Variants in ERMARD observed in about 807,000 individuals in gnomAD.
The protein encoded by ERMARD is ER membrane associated RNA degradation, also known as endoplasmic reticulum membrane-associated RNA degradation protein.
In ERMARD, 71 loss-of-function variants were observed where a neutral mutation model predicts 83.9. The ratio of observed to expected loss-of-function variants is 0.85; its 90% CI spans 0.70 to 1.03. ERMARD has a LOEUF of 1.03. Ranked by LOEUF, ERMARD falls within the 50% of genes least tolerant of loss-of-function variation. The pLI, the probability that ERMARD is intolerant of heterozygous loss-of-function variation, is 0.00. For missense variants in ERMARD, 838 were observed against 810.9 expected, an observed-to-expected ratio of 1.03 and a Z score of -0.41; for synonymous variants, 284 against 298.6, an observed-to-expected ratio of 0.95 and a Z score of 0.50.
At chr6:169,752,062 G>C in intron 1 of ERMARD, 1 of 226,972 alleles carries the variant, frequency 4.4e-6, no homozygotes, top group South Asian at 1.2e-4. Context: ...CACTCGGACA[G>C]TAAATTTGTG....
At position 169,776,685 on chromosome 6, in the gene ERMARD, C is replaced by T. The variant is rs961132008; in HGVS notation, c.1739+12C>T. ...CGTATGTGGAGTAGGTGCGCGCTCACTTTCCTGTTTTGGAGGGGCACTGTG... is the reference window on the plus strand; with the variant it reads ...CGTATGTGGAGTAGGTGCGCGCTCATTTTCCTGTTTTGGAGGGGCACTGTG... On this transcript the variant is annotated intron_variant, in intron 16 of 17. Transcript: ENST00000366773. 5.6e-6 allele frequency: 9 copies of T among 1,612,382 alleles called. No individual in the cohort carries two copies. Among genetic ancestry groups the T allele is most frequent in the Non-Finnish European group, 7.6e-6 (9 of 1,179,704 alleles).
Position 169,766,621 on chromosome 6 carries a change from T to G in ERMARD, c.961-17T>G. 1 of 1,570,450 alleles carries G rather than the reference T, an allele frequency of 6.4e-7. No individual in the cohort carries two copies. Among genetic ancestry groups the G allele is most frequent in the Non-Finnish European group, 8.6e-7 (1 of 1,165,936 alleles). ...TTTGCTTTAATTGTTTATTTTCATT[T>G]CTTTCCTTTTCTGAAGTCAACAGCT... is the stretch of plus-strand genomic sequence containing the variant. On this transcript the variant is annotated splice_polypyrimidine_tract_variant and intron_variant, in intron 9 of 17. Transcript: ENST00000366773.
At chr6:169,771,787 G>C (rs1028529843) in intron 12 of ERMARD, 1 of 152,372 alleles carries the variant, frequency 6.6e-6, no homozygotes, top group African/African-American at 2.4e-5. Context: ...TGTAATCCCA[G>C]CACTTTGGGA....
chr6:169,767,595 T>TAC (rs139970542), intron 10 of ERMARD: 9,737 of 159,546 alleles, frequency 0.061, 394 homozygotes, highest in East Asian at 0.11. Context: ...ATACCACACA[T>TAC]ACACACACAC....
At chr6:169,777,027 G>A (rs1380351649) in intron 16 of ERMARD, among the ~76,000 whole-genome samples, 5 of 152,188 alleles carry the variant, frequency 3.3e-5, no homozygotes, top group African/African-American at 4.8e-5. Context: ...CTGGAAAGGC[G>A]GGAAAATACA....
At chr6:169,766,422 G>A (rs559690898) in intron 9 of ERMARD, among the ~76,000 whole-genome samples, 2 of 152,262 alleles carry the variant, frequency 1.3e-5, no homozygotes, top group African/African-American at 4.8e-5. Flanking sequence ...GTCCTAATGC[G>A]GCTTCATGGC....
chr6:169,764,061 C>T lies in ERMARD; in HGVS notation c.960+1530C>T, dbSNP rs7753073. 1.6e-3 allele frequency among the ~76,000 whole-genome samples: 237 copies of T among 152,350 alleles called. 1 individual carries two copies. The highest frequency in any genetic ancestry group is 5.5e-3 in the African/African-American group (229 of 41,580). ...CCAGCTGCAGACTCCAGCAGCGTCTCGTGTTTCCCCAACACCTCCCGTGTC... is the reference window on the plus strand; with the variant it reads ...CCAGCTGCAGACTCCAGCAGCGTCTTGTGTTTCCCCAACACCTCCCGTGTC... On this transcript the variant is annotated intron_variant, in intron 9 of 17. Coordinates refer to ENST00000366773, the MANE Select transcript of ERMARD (RefSeq NM_018341.3).
intron 7 of ERMARD, 148 bp downstream of exon 7, chr6:169,760,122 C>A: frequency 7.0e-7 from 1 of 1,435,410 alleles, no homozygotes. Flanking sequence ...TGAAGAACCT[C>A]CTACATTTTA....
rs112251933 is a variant in ERMARD at position 169,775,559 on chromosome 6, G to A, written c.1394+213G>A. 4.8e-3 allele frequency among the ~76,000 whole-genome samples: 724 copies of A among 152,354 alleles called. 4 individuals are homozygous for A. Among genetic ancestry groups the A allele is most frequent in the African/African-American group, 0.016 (678 of 41,576 alleles). On this transcript the variant is annotated intron_variant, in intron 14 of 17. Transcript: ENST00000366773. ...CCCTGGTGGAGACTGAACATGGAAC[G>A]AGAGGCAGGTTTTGTGGGTAGACAG...
intron 8 of ERMARD, among the ~76,000 whole-genome samples, 179 bp downstream of exon 8, chr6:169,760,935 T>C (rs951445722): frequency 2.6e-5 from 4 of 152,198 alleles, no homozygotes; most frequent in African/African-American, 9.6e-5. Flanking sequence ...CCTGTGATTA[T>C]ATTGGAAACA....
At chr6:169,778,370 A>G (rs1396434953) in intron 16 of ERMARD, among the ~76,000 whole-genome samples, 1 of 152,232 alleles carries the variant, frequency 6.6e-6, no homozygotes, top group East Asian at 1.9e-4. Context: ...GAATATTTGG[A>G]TTTAAAATAT....
At chr6:169,776,260 G>A (rs1793578145) in intron 15 of ERMARD, 195 bp downstream of exon 15, 1 of 1,544,618 alleles carries the variant, frequency 6.5e-7, no homozygotes, top group Non-Finnish European at 8.8e-7. Flanking sequence ...ATGAGGCTGT[G>A]AATGCCACAT....
chr6:169,767,481 A>G (rs1355678768), intron 10 of ERMARD: 3 of 153,508 alleles, frequency 2.0e-5, no homozygotes, highest in Non-Finnish European at 2.9e-5. Context: ...AACAACACAC[A>G]TGCACACACC....
intron 16 of ERMARD, among the ~76,000 whole-genome samples, chr6:169,778,264 T>C (rs1793818027): frequency 6.6e-6 from 1 of 152,260 alleles, no homozygotes; most frequent in Non-Finnish European, 1.5e-5. Context: ...TTTGAGGACT[T>C]CCTGTGCTGA....
intron 15 of ERMARD, 167 bp downstream of exon 15, chr6:169,776,232 G>A: frequency 6.6e-7 from 1 of 1,522,328 alleles, no homozygotes. Context: ...CAATCTCTGT[G>A]CAAGCTTGGC....
At chr6:169,781,064 G>A (rs1340881078) in intron 17 of ERMARD, among the ~76,000 whole-genome samples, 1 of 152,202 alleles carries the variant, frequency 6.6e-6, no homozygotes, top group East Asian at 1.9e-4. Context: ...CGGCCGTCAT[G>A]TCTGGGCTGG....
rs375856725 is a variant in ERMARD at position 169,773,380 on chromosome 6, C to T, written c.1295C>T (p.Pro432Leu). 155 of 1,613,956 alleles carry T rather than the reference C, an allele frequency of 9.6e-5. No homozygotes were observed. Among genetic ancestry groups the T allele is most frequent in the Middle Eastern group, 3.3e-4 (2 of 6,084 alleles). The change falls in exon 13 of 18, where the codon CCG becomes CTG. Residue 432 changes from proline (P) to leucine (L), a missense_variant. Coordinates refer to ENST00000366773, the MANE Select transcript of ERMARD (RefSeq NM_018341.3). ...GAAGGCTATAGTTCTCGCTGTCATC[C>T]GGTTTTTCAGCTTAAAAAACAGGTA... ...LAEGYSSRCH[P>L]VFQLKKQVLS...
At chr6:169,751,802 C>T (rs1372768666) in intron 1 of ERMARD, 139 bp downstream of exon 1, 12 of 1,269,700 alleles carry the variant, frequency 9.5e-6, no homozygotes, top group Non-Finnish European at 1.2e-5. Flanking sequence ...AGGGCGCTGG[C>T]GACGTCGCGG....
rs148523287 is a variant in ERMARD at position 169,774,391 on chromosome 6, C to T, written c.1318-879C>T. On this transcript the variant is annotated intron_variant, in intron 13 of 17. Coordinates refer to ENST00000366773, the MANE Select transcript of ERMARD (RefSeq NM_018341.3). ...GGACCAGCTTTACCAGTGGGGATGC[C>T]GTGCTTTCCAAGAGCAAGCCCTTAC... Among the ~76,000 whole-genome samples, 339 of 152,250 alleles carry T rather than the reference C, an allele frequency of 2.2e-3. 1 individual carries two copies. The highest frequency in any genetic ancestry group is 0.017 in the Middle Eastern group (5 of 294).
Sources: gnomAD v4.1 joint callset for allele counts (sites outside exome capture counted in the v4.1 genomes callset) on GRCh38, gnomAD v4.1.1 for gene constraint, MANE v1.5 for transcripts, NCBI Gene and HGNC (gene_info 2026-07-23, HGNC 2026-07-21) for gene names.